Variants in PCDHGA6 observed in about 807,000 individuals in gnomAD.
PCDHGA6 encodes the protein protocadherin gamma subfamily A, 6.
PCDHGA6 carries 41 observed loss-of-function variants against 60.6 expected under a neutral mutation model. The observed-to-expected ratio is 0.68, with a 90% CI of 0.53 to 0.88. The LOEUF is 0.88. Among genes scored for constraint, PCDHGA6 ranks in the 40% least tolerant of loss-of-function variants. The pLI, the probability that PCDHGA6 is intolerant of heterozygous loss-of-function variation, is 0.00. For missense variants in PCDHGA6, 1,312 were observed against 1,203.0 expected (o/e 1.09, Z -1.34); for synonymous variants, 594 against 524.4 (o/e 1.13, Z -1.81).
In PCDHGA6 at chr5:141,505,471, G is replaced by A. The variant is rs766596231; in HGVS notation, c.2562G>A (p.Ala854=). The A allele has an allele frequency of 3.4e-5, 55 of 1,614,244 alleles. No individual in the cohort carries two copies. The highest frequency in any genetic ancestry group is 1.1e-4 in the East Asian group (5 of 44,880). ...AGATGCTGCAAGCCATGATCTTGGCGTCCGCCAGTGGTAAGTGGTGTCAGT... is the reference window on the plus strand; with the variant it reads ...AGATGCTGCAAGCCATGATCTTGGCATCCGCCAGTGGTAAGTGGTGTCAGT... ...DTEMLQAMIL[A]SASEAADGSS... Residue 854 remains alanine (A), a synonymous_variant, in exon 3 of 4, where the codon GCG becomes GCA. Coordinates refer to ENST00000517434, the MANE Select transcript of PCDHGA6 (RefSeq NM_018919.3).
rs567513392 is a variant in PCDHGA6 at position 141,375,629 on chromosome 5, G to T, written c.1546G>T (p.Ala516Ser). The change falls in exon 1 of 4, where the codon GCC (alanine) becomes TCC (serine). Residue 516 changes from alanine (A) to serine (S), a missense_variant. By Grantham distance (99) the Ala-to-Ser change is moderately conservative. Transcript: ENST00000517434. ...SINSDTGILY[A>S]LRSFDYEQLR... ...CAACTCCGACACTGGGATTCTGTAC[G>T]CCCTGCGCTCCTTCGACTATGAGCA... The T allele has an allele frequency of 2.5e-6, 4 of 1,614,074 alleles. No individual in the cohort carries two copies. The highest frequency in any genetic ancestry group is 1.3e-5 in the African/African-American group (1 of 74,932).
At chr5:141,428,312 C>A in intron 1 of PCDHGA6, 1 of 671,484 alleles carries the variant, frequency 1.5e-6, no homozygotes, top group Non-Finnish European at 2.7e-6. Flanking sequence ...CTGGTCGTGG[C>A]CTTGGCCTTG....
At chr5:141,418,185 T>C in intron 1 of PCDHGA6, 1 of 1,614,058 alleles carries the variant, frequency 6.2e-7, no homozygotes, top group Non-Finnish European at 8.5e-7. Flanking sequence ...TTGGAAGCTG[T>C]GGTGGAAAAT....
At position 141,486,905 on chromosome 5, in the gene PCDHGA6, C is replaced by G. The variant is rs1463391292; in HGVS notation, c.2425-7902C>G. On this transcript the variant is annotated intron_variant, in intron 1 of 3. Coordinates refer to ENST00000517434, the MANE Select transcript of PCDHGA6 (RefSeq NM_018919.3). This position sits in a 1 kb window ranked among gnomAD's most constrained non-coding sequence, Gnocchi z 5.0. ...GGCCCGGCCTGGTTCCTTATGTCCC[C>G]AAGCACTGCCTCCATCAGTTGGTGC... 1 of 1,614,250 alleles carries G rather than the reference C, an allele frequency of 6.2e-7. No individual in the cohort carries two copies. The highest frequency in any genetic ancestry group is 1.3e-5 in the African/African-American group (1 of 75,066).
At chr5:141,403,266 A>G in intron 1 of PCDHGA6, 11 of 1,613,858 alleles carry the variant, frequency 6.8e-6, no homozygotes, top group Non-Finnish European at 9.3e-6. Context: ...TGTCTGGTGA[A>G]CTTTAAAGTC....
intron 1 of PCDHGA6, chr5:141,413,750 G>T (rs1325273363): frequency 6.2e-7 from 1 of 1,612,538 alleles, no homozygotes; most frequent in African/African-American, 1.3e-5. Flanking sequence ...CGTGCCAATG[G>T]CGTCAAGTAC....
rs569220332 is a variant in PCDHGA6, at chr5:141,475,688, A to G, written c.2425-19119A>G. 2.0e-5 allele frequency among the ~76,000 whole-genome samples: 3 copies of G among 152,330 alleles called. No homozygotes were observed. In the South Asian group the frequency reaches 6.2e-4, roughly 32 times the overall value. On this transcript the variant is annotated intron_variant, in intron 1 of 3. Coordinates refer to ENST00000517434, the MANE Select transcript of PCDHGA6 (RefSeq NM_018919.3). ...TTTAATGAGTCTTGATTTGGATTGG[A>G]GACTTGCAGAACGGCTAGCCTCACA...
intron 1 of PCDHGA6, among the ~76,000 whole-genome samples, chr5:141,381,748 T>C (rs1252356879): frequency 6.6e-6 from 1 of 152,130 alleles, no homozygotes; most frequent in Non-Finnish European, 1.5e-5. Context: ...GATTCCGACA[T>C]TGTTCTACTA....
intron 1 of PCDHGA6, among the ~76,000 whole-genome samples, chr5:141,461,100 T>C (rs926482549): frequency 1.1e-4 from 16 of 152,062 alleles, no homozygotes; most frequent in African/African-American, 3.6e-4. Context: ...TATAAACATA[T>C]GTGTCCAAGT....
rs1477359818 is a variant in PCDHGA6, at chr5:141,397,350, G to A, written c.2424+20843G>A. 3.9e-5 allele frequency among the ~76,000 whole-genome samples: 6 copies of A among 152,268 alleles called. No individual in the cohort carries two copies. In the East Asian group the frequency reaches 9.6e-4, roughly 24 times the overall value. On this transcript the variant is annotated intron_variant, in intron 1 of 3. Coordinates refer to ENST00000517434, the MANE Select transcript of PCDHGA6 (RefSeq NM_018919.3). ...TATTTTTATAAAGAATGTTAATATA[G>A]TCAGGAAGAGGAGATGTTTGGGGAT... is the stretch of plus-strand genomic sequence containing the variant.
At chr5:141,478,452 C>T (rs763187393) in intron 1 of PCDHGA6, 1 of 1,613,598 alleles carries the variant, frequency 6.2e-7, no homozygotes, top group Admixed American at 1.7e-5. Context: ...CCTGGTGCAG[C>T]CAGTCCACTG....
Position 141,477,575 on chromosome 5 carries a change from C to T in PCDHGA6, c.2425-17232C>T. The T allele has an allele frequency of 6.2e-7, 1 of 1,614,176 alleles. No individual in the cohort carries two copies. The highest frequency in any genetic ancestry group is 8.5e-7 in the Non-Finnish European group (1 of 1,180,030). On this transcript the variant is annotated intron_variant, in intron 1 of 3. Coordinates refer to ENST00000517434, the MANE Select transcript of PCDHGA6 (RefSeq NM_018919.3). This position sits in a 1 kb window ranked among gnomAD's most constrained non-coding sequence, Gnocchi z 4.9. ...CCTAAGTGTCTGGGACCCCGACGCC[C>T]CGCAGAATGCTCGGCTTTCTTTCTT... is the stretch of plus-strand genomic sequence containing the variant.
chr5:141,392,570 AG>A (rs1561637414), intron 1 of PCDHGA6: 1 of 443,018 alleles, frequency 2.3e-6, no homozygotes, highest in East Asian at 3.6e-5. Context: ...GTAACTATTT[AG>A]GACTGTAAGC....
At position 141,511,271 on chromosome 5, in the gene PCDHGA6, C is replaced by T. The variant is rs371445452; in HGVS notation, c.*98C>T. ...GCCTCAGAGTTTCAGGGCTAACCCC[C>T]AGAATACTGGTAGGGGCCAAGGCCA... On this transcript the variant is annotated 3_prime_UTR_variant, in exon 4 of 4. Transcript: ENST00000517434. 9.1e-6 allele frequency: 14 copies of T among 1,544,094 alleles called. No individual in the cohort carries two copies. In the African/African-American group the frequency reaches 1.6e-4, roughly 18 times the overall value.
rs1327610213 is a variant in PCDHGA6 at position 141,423,493 on chromosome 5, C to T, written c.2424+46986C>T. 5 of 1,613,984 alleles carry T rather than the reference C, an allele frequency of 3.1e-6. No homozygotes were observed. In the South Asian group the frequency reaches 5.5e-5, roughly 18 times the overall value. On this transcript the variant is annotated intron_variant, in intron 1 of 3. Coordinates refer to ENST00000517434, the MANE Select transcript of PCDHGA6 (RefSeq NM_018919.3). The stretch of plus-strand genomic sequence containing the variant: ...ACAGGCTTTCCTGCAAACCTATTCC[C>T]ACGAGGTCTCTCTCATTGCGGACTC...
chr5:141,385,048 C>A, intron 1 of PCDHGA6: 1 of 1,614,150 alleles, frequency 6.2e-7, no homozygotes, highest in Non-Finnish European at 8.5e-7. Flanking sequence ...GCTCAGGCTG[C>A]GGCGCTGGCA....
chr5:141,476,184 T>C lies in PCDHGA6; in HGVS notation c.2425-18623T>C, dbSNP rs1038598087. ...AGGGTAGTGGGAGTTTTGCTTCTGC[T>C]TGGTGCCTTGAACAAGGCTTCCACG... On this transcript the variant is annotated intron_variant, in intron 1 of 3. Coordinates refer to ENST00000517434, the MANE Select transcript of PCDHGA6 (RefSeq NM_018919.3). The surrounding 1 kb of genome is among the most constrained non-coding windows in gnomAD (Gnocchi z 7.6). 1 of 1,613,708 alleles carries C rather than the reference T, an allele frequency of 6.2e-7. No homozygotes were observed. Among genetic ancestry groups the C allele is most frequent in the Non-Finnish European group, 8.5e-7 (1 of 1,179,992 alleles).
At chr5:141,458,567 TTTTGTTTG>T (rs144471304) in intron 1 of PCDHGA6, among the ~76,000 whole-genome samples, 1 of 151,488 alleles carries the variant, frequency 6.6e-6, no homozygotes, top group Non-Finnish European at 1.5e-5. Flanking sequence ...GGTTTTGGGT[TTTTGTTTG>T]TTTGTTTGTT....
At chr5:141,383,248 T>A in intron 1 of PCDHGA6, 1 of 1,613,948 alleles carries the variant, frequency 6.2e-7, no homozygotes. Context: ...AATGAATCTT[T>A]ACCCTATAGA....
Sources: allele counts gnomAD v4.1 joint callset (sites outside exome capture counted in the v4.1 genomes callset), GRCh38; gene constraint gnomAD v4.1.1; non-coding constraint Gnocchi (gnomAD v3.1); transcripts MANE v1.5; gene names NCBI Gene and HGNC (gene_info 2026-07-23, HGNC 2026-07-21).